The following PCDHA6 variants were observed in gnomAD, a reference collection of about 807,000 sequenced individuals.
PCDHA6 encodes protocadherin alpha 6.
A neutral mutation model predicts 60.3 loss-of-function variants in PCDHA6; 55 were observed. The observed-to-expected ratio is 0.91, with a 90% CI of 0.73 to 1.14. The LOEUF (loss-of-function observed/expected upper bound fraction) is 1.14. PCDHA6 is among the 50% of genes most tolerant of loss of function. The pLI is 0.00. For missense variants in PCDHA6, 1,327 were observed against 1,256.5 expected, an observed-to-expected ratio of 1.06 and a Z score of -0.85; for synonymous variants, 652 against 557.9, an observed-to-expected ratio of 1.17 and a Z score of -2.38.
intron 1 of PCDHA6, chr5:140,834,482 C>T (rs2150219346): frequency 5.0e-6 from 8 of 1,614,172 alleles, no homozygotes; most frequent in South Asian, 1.1e-5. Context: ...AGCTCCACTA[C>T]TCGGTCCCCG....
chr5:140,988,673 A>G (rs2153876025), intron 3 of PCDHA6, among the ~76,000 whole-genome samples: 1 of 152,344 alleles, frequency 6.6e-6, no homozygotes, highest in South Asian at 2.1e-4. Context: ...AGACTCTAAG[A>G]TAATTCTTTC....
At chr5:140,869,980 A>G (rs782258774) in intron 1 of PCDHA6, 91 of 1,613,262 alleles carry the variant, frequency 5.6e-5, no homozygotes, top group Non-Finnish European at 7.5e-5. Context: ...ACACTTATTT[A>G]CACTAGATCA....
intron 1 of PCDHA6, chr5:140,882,051 A>T: frequency 1.3e-6 from 1 of 757,670 alleles, no homozygotes; most frequent in Non-Finnish European, 2.0e-6. Flanking sequence ...AGTCATACTT[A>T]CACTTACACG....
rs1383515995 is a variant in PCDHA6 at position 140,856,091 on chromosome 5, C to T, written c.2394+25606C>T. The stretch of plus-strand genomic sequence containing the variant: ...CTGCCTGGGGGTCCAGTGTCTGCTG[C>T]TCTCGCTTCTTCTCCTCGCAGCCTG... On this transcript the variant is annotated intron_variant, in intron 1 of 3. Coordinates refer to ENST00000529310, the MANE Select transcript of PCDHA6 (RefSeq NM_018909.4). 13 of 1,597,006 alleles carry T rather than the reference C, an allele frequency of 8.1e-6. 1 individual carries two copies. The highest frequency in any genetic ancestry group is 1.3e-5 in the African/African-American group (1 of 74,304).
chr5:140,922,101 G>A (rs531054386), intron 1 of PCDHA6, among the ~76,000 whole-genome samples: 1 of 152,086 alleles, frequency 6.6e-6, no homozygotes, highest in Admixed American at 6.5e-5. Context: ...ACCAACTATA[G>A]ATAAATGAAA....
chr5:140,926,353 C>T (rs1402316154), intron 1 of PCDHA6: 1 of 152,272 alleles, frequency 6.6e-6, no homozygotes, highest in Non-Finnish European at 1.5e-5. Flanking sequence ...ACGCGCGGCT[C>T]CCAAAGGGCG....
At chr5:140,860,361 A>G (rs2046358077) in intron 1 of PCDHA6, 2 of 152,182 alleles carry the variant, frequency 1.3e-5, no homozygotes, top group African/African-American at 4.8e-5. Flanking sequence ...AGCCTGGATG[A>G]CAAAGTGAGA....
At chr5:140,922,255 A>C (rs1415394722) in intron 1 of PCDHA6, among the ~76,000 whole-genome samples, 2 of 152,256 alleles carry the variant, frequency 1.3e-5, no homozygotes, top group Non-Finnish European at 2.9e-5. Flanking sequence ...ATAAGTTACT[A>C]AGTGCCATGA....
chr5:141,008,597 C>T (rs1485271666), intron 3 of PCDHA6, among the ~76,000 whole-genome samples: 1 of 152,224 alleles, frequency 6.6e-6, no homozygotes, highest in East Asian at 1.9e-4. Flanking sequence ...GATTTCACCT[C>T]CTCTGGAACC....
chr5:140,949,111 T>C (rs1316111436), intron 1 of PCDHA6, among the ~76,000 whole-genome samples: 1 of 151,772 alleles, frequency 6.6e-6, no homozygotes, highest in African/African-American at 2.4e-5. Context: ...AGTTTACAAA[T>C]ATTTTTGGTT....
At chr5:140,902,206 T>TC (rs2069239214) in intron 1 of PCDHA6, among the ~76,000 whole-genome samples, 1 of 145,724 alleles carries the variant, frequency 6.9e-6, no homozygotes, top group South Asian at 2.1e-4. Flanking sequence ...TCTCTTTCTT[T>TC]TTTTTTTTTT....
intron 1 of PCDHA6, among the ~76,000 whole-genome samples, chr5:140,917,537 A>G (rs1433498846): frequency 2.0e-5 from 3 of 152,222 alleles, no homozygotes; most frequent in Middle Eastern, 3.2e-3. Flanking sequence ...GTATAGTTTT[A>G]GGTTTTACAT....
intron 1 of PCDHA6, chr5:140,861,317 C>T (rs1369177112): frequency 4.6e-6 from 1 of 217,818 alleles, no homozygotes; most frequent in Admixed American, 5.2e-5. Context: ...GGACCAGTTC[C>T]ACTACACCAT....
At chr5:140,948,018 T>A (rs1308826509) in intron 1 of PCDHA6, among the ~76,000 whole-genome samples, 1 of 151,290 alleles carries the variant, frequency 6.6e-6, no homozygotes, top group Non-Finnish European at 1.5e-5. Context: ...GAAGTACCCT[T>A]TCTGGTTTGC....
At chr5:140,850,270 G>A (rs782505254) in intron 1 of PCDHA6, 1 of 1,594,948 alleles carries the variant, frequency 6.3e-7, no homozygotes, top group African/African-American at 1.3e-5. Flanking sequence ...GTAGTGGTGG[G>A]GAAGGTGCGC....
chr5:140,890,220 C>A (rs955015481), intron 1 of PCDHA6, among the ~76,000 whole-genome samples: 18 of 152,044 alleles, frequency 1.2e-4, no homozygotes, highest in Non-Finnish European at 2.6e-4. Flanking sequence ...TCCCAGAGAC[C>A]TAGTTGTTAA....
At chr5:140,844,484 A>G (rs1442751127) in intron 1 of PCDHA6, among the ~76,000 whole-genome samples, 1 of 149,426 alleles carries the variant, frequency 6.7e-6, no homozygotes, top group Non-Finnish European at 1.5e-5. Context: ...CTCTATGTTT[A>G]GGAAATGATT....
intron 1 of PCDHA6, among the ~76,000 whole-genome samples, chr5:140,921,678 A>C (rs2080326339): frequency 6.6e-6 from 1 of 152,222 alleles, no homozygotes; most frequent in South Asian, 2.1e-4. Context: ...AGTTATCATC[A>C]AACACTGGCC....
In PCDHA6 at chr5:140,858,149, G is replaced by A. The variant is rs782725386; in HGVS notation, c.2394+27664G>A. The A allele has an allele frequency of 1.5e-5, 24 of 1,597,456 alleles. 4 individuals carry two copies. The highest frequency in any genetic ancestry group is 1.3e-4 in the African/African-American group (10 of 74,378). ...GGATGTCAACGTGTACCTGATCATC[G>A]CCATCTGCGCGGTGTCCAGCTTGCT... On this transcript the variant is annotated intron_variant, in intron 1 of 3. Transcript: ENST00000529310.
Sources: allele counts gnomAD v4.1 joint callset (sites outside exome capture counted in the v4.1 genomes callset), GRCh38; gene constraint gnomAD v4.1.1; transcripts MANE v1.5; gene names NCBI Gene and HGNC (gene_info 2026-07-23, HGNC 2026-07-21).